The following PATL2 variants were observed in gnomAD, a reference collection of about 807,000 sequenced individuals.
The protein encoded by PATL2 is protein PAT1 homolog 2.
A neutral mutation model predicts 77.0 loss-of-function variants in PATL2; 73 were observed. The observed-to-expected ratio is 0.95, with a 90% CI of 0.78 to 1.15. The LOEUF (loss-of-function observed/expected upper bound fraction) is 1.15. Among genes scored for constraint, PATL2 ranks in the 50% most tolerant of loss-of-function variants. PATL2 has a pLI of 0.00. For missense variants in PATL2, 618 were observed against 655.4 expected (o/e 0.94, Z 0.62); for synonymous variants, 265 against 257.1 (o/e 1.03, Z -0.29).
At chr15:44,684,053 TAA>T (rs200273646) in intron 3 of PATL2, among the ~76,000 whole-genome samples, 8 of 124,948 alleles carry the variant, frequency 6.4e-5, no homozygotes, top group South Asian at 2.5e-4. Context: ...AGCATCAACA[TAA>T]AAAAAAAAAA....
intron 7 of PATL2, 50 bp from the exon 8 acceptor site, chr15:44,672,506 C>A (rs909266074): frequency 6.7e-7 from 1 of 1,495,514 alleles, no homozygotes; most frequent in Non-Finnish European, 9.1e-7. Context: ...TCTCAGTTCT[C>A]TGCCCCCTCC....
intron 3 of PATL2, among the ~76,000 whole-genome samples, chr15:44,677,890 A>T (rs1232819633): frequency 6.6e-6 from 1 of 152,170 alleles, no homozygotes; most frequent in African/African-American, 2.4e-5. Flanking sequence ...CCCAGGCTTG[A>T]GTGCAGTGGC....
At chr15:44,697,336 T>G (rs1423143476) in intron 3 of PATL2, 1 of 152,522 alleles carries the variant, frequency 6.6e-6, no homozygotes, top group Middle Eastern at 3.0e-3. Flanking sequence ...TTCTCCTTTT[T>G]GACCAATCAA....
chr15:44,672,557 A>T, intron 7 of PATL2, 101 bp from the exon 8 acceptor site: 1 of 1,182,910 alleles, frequency 8.5e-7, no homozygotes, highest in Non-Finnish European at 1.2e-6. Context: ...CATCTAAGGA[A>T]CCTTATCTGT....
chr15:44,685,347 G>A (rs1244747625), intron 3 of PATL2, among the ~76,000 whole-genome samples: 2 of 152,164 alleles, frequency 1.3e-5, no homozygotes, highest in African/African-American at 2.4e-5. Context: ...GGTGGCTCAC[G>A]CCTGTAATCC....
At chr15:44,708,047 C>T (rs2141277070) in intron 3 of PATL2, among the ~76,000 whole-genome samples, 1 of 152,358 alleles carries the variant, frequency 6.6e-6, no homozygotes, top group African/African-American at 2.4e-5. Flanking sequence ...AAAATCACTG[C>T]ACTCTTCCTC....
At chr15:44,684,851 G>A (rs572386202) in intron 3 of PATL2, among the ~76,000 whole-genome samples, 1 of 152,246 alleles carries the variant, frequency 6.6e-6, no homozygotes, top group African/African-American at 2.4e-5. Flanking sequence ...CAGAGAGAAA[G>A]GTTGGGTTAC....
chr15:44,676,319 G>A (rs1401075086), intron 4 of PATL2, 156 bp downstream of exon 4: 9 of 717,558 alleles, frequency 1.3e-5, no homozygotes, highest in Middle Eastern at 2.4e-4. Flanking sequence ...GCCCAGAAGA[G>A]TGACCTTTCA....
rs2085735104 is a variant in PATL2, at chr15:44,672,429, G to A, written c.474C>T (p.His158=). 6.4e-7 allele frequency: 1 copy of A among 1,551,572 alleles called. No individual in the cohort carries two copies. Among genetic ancestry groups the A allele is most frequent in the Admixed American group, 2.0e-5 (1 of 50,982 alleles). ...FSHLTQLHPR[H]QRILQQQQHS... is the part of the protein sequence containing the mutation. ...GCTGCTGCTGCTGCAAGATTCGTTGGTGCCGAGGGTGGAGCTGGGTCAGAT... is the reference window on the plus strand; with the variant it reads ...GCTGCTGCTGCTGCAAGATTCGTTGATGCCGAGGGTGGAGCTGGGTCAGAT... The change falls in exon 8 of 18, where the codon CAC becomes CAT. Residue 158 remains histidine (H), a synonymous_variant. Coordinates refer to ENST00000682850, the MANE Select transcript of PATL2 (RefSeq NM_001387263.1).
intron 3 of PATL2, among the ~76,000 whole-genome samples, chr15:44,696,253 C>T (rs566363899): frequency 1.3e-5 from 2 of 152,182 alleles, no homozygotes; most frequent in African/African-American, 4.8e-5. Context: ...TAATCTTCCC[C>T]AGGGAAAATT....
intron 3 of PATL2, among the ~76,000 whole-genome samples, chr15:44,709,736 GT>G: frequency 6.6e-6 from 1 of 152,176 alleles, no homozygotes; most frequent in South Asian, 2.1e-4. Context: ...TATCTGTACT[GT>G]TTTTTATTGG....
At chr15:44,693,920 C>A (rs28491798) in intron 3 of PATL2, among the ~76,000 whole-genome samples, 4 of 152,010 alleles carry the variant, frequency 2.6e-5, no homozygotes, top group Non-Finnish European at 4.4e-5. Context: ...CCAGTCTGGT[C>A]TCAAACTCCT....
Position 44,665,854 on chromosome 15 carries a change from G to A in PATL2, c.*99C>T. Reference sequence around the variant, plus strand: ...GGTTCTCCAATATATAAAGGCATAAGAAATGTCTTCAGACTCTCTGGATCC... The same window carrying A: ...GGTTCTCCAATATATAAAGGCATAAAAAATGTCTTCAGACTCTCTGGATCC... On this transcript the variant is annotated 3_prime_UTR_variant, in exon 18 of 18. Transcript: ENST00000682850. The A allele has an allele frequency of 6.5e-7, 1 of 1,547,440 alleles. No individual in the cohort carries two copies. The highest frequency in any genetic ancestry group is 8.7e-7 in the Non-Finnish European group (1 of 1,145,500).
chr15:44,671,631 T>C (rs1470611692), intron 9 of PATL2, among the ~76,000 whole-genome samples: 3 of 152,160 alleles, frequency 2.0e-5, no homozygotes, highest in Non-Finnish European at 4.4e-5. Flanking sequence ...TTAAACAAAC[T>C]GAATCCCACT....
chr15:44,673,397 G>A lies in PATL2; in HGVS notation c.304-20C>T. 1.3e-6 allele frequency: 2 copies of A among 1,551,268 alleles called. No homozygotes were observed. The highest frequency in any genetic ancestry group is 8.7e-7 in the Non-Finnish European group (1 of 1,146,722). Reference sequence around the variant, plus strand: ...CAAGGTCTGAGAGAGGAATTAAGAGGTCTGGGAGAACGCCATCTCCACCAA... The same window carrying A: ...CAAGGTCTGAGAGAGGAATTAAGAGATCTGGGAGAACGCCATCTCCACCAA... On this transcript the variant is annotated intron_variant, in intron 6 of 17. Transcript: ENST00000682850.
chr15:44,669,570 G>T lies in PATL2; in HGVS notation c.877-7C>A, dbSNP rs753035601. On this transcript the variant is annotated splice_region_variant and splice_polypyrimidine_tract_variant and intron_variant, in intron 11 of 17. Coordinates refer to ENST00000682850, the MANE Select transcript of PATL2 (RefSeq NM_001387263.1). ...TGCTTGCAGCTTCTATATCCTAGGA[G>T]AAGGGAGTCACCAGCTATCAGCTAC... 5 of 1,550,726 alleles carry T rather than the reference G, an allele frequency of 3.2e-6. No individual in the cohort carries two copies. In the South Asian group the frequency reaches 6.0e-5, roughly 18 times the overall value.
At chr15:44,685,685 A>G (rs1207632530) in intron 3 of PATL2, among the ~76,000 whole-genome samples, 1 of 152,196 alleles carries the variant, frequency 6.6e-6, no homozygotes, top group African/African-American at 2.4e-5. Context: ...AAAGACACAC[A>G]TAGGTTCAAA....
chr15:44,672,183 A>G, intron 8 of PATL2, 27 bp from the exon 9 acceptor site: 1 of 1,551,664 alleles, frequency 6.4e-7, no homozygotes, highest in Non-Finnish European at 8.7e-7. Flanking sequence ...ACAACCCTTT[A>G]GACTTACCCA....
At chr15:44,688,469 G>C (rs2086313032) in intron 3 of PATL2, among the ~76,000 whole-genome samples, 1 of 152,132 alleles carries the variant, frequency 6.6e-6, no homozygotes, top group East Asian at 1.9e-4. Context: ...ATACTACAAG[G>C]CTACAGTAAC....
Sources: allele counts gnomAD v4.1 joint callset (sites outside exome capture counted in the v4.1 genomes callset), GRCh38; gene constraint gnomAD v4.1.1; transcripts MANE v1.5; gene names NCBI Gene and HGNC (gene_info 2026-07-23, HGNC 2026-07-21).